The following TRMT11 variants were observed in gnomAD, a reference collection of about 807,000 sequenced individuals.
The protein encoded by TRMT11 is tRNA (guanine(10)-N(2))-methyltransferase TRMT11.
Under a neutral mutation model 62.8 loss-of-function variants are expected in TRMT11, and 53 were observed. That is an observed-to-expected ratio of 0.84 (90% confidence interval 0.68 to 1.06). The LOEUF (loss-of-function observed/expected upper bound fraction) is 1.06, where lower values mean the gene tolerates loss of function less well. TRMT11 is among the 50% of genes least tolerant of loss of function. The pLI is 0.00. For synonymous variants in TRMT11, 188 were observed against 190.3 expected, an observed-to-expected ratio of 0.99 and a Z score of 0.10; for missense variants, 556 against 553.4, an observed-to-expected ratio of 1.00 and a Z score of -0.05.
downstream of TRMT11, among the ~76,000 whole-genome samples, chr6:126,204,992 A>G (rs1778775790): frequency 6.6e-6 from 1 of 152,204 alleles, no homozygotes; most frequent in African/African-American, 2.4e-5. Flanking sequence ...CTTTAAAAAT[A>G]TTTAGAGGCA....
the TRMT11 span, among the ~76,000 whole-genome samples, chr6:126,271,948 C>T: frequency 6.6e-6 from 1 of 152,118 alleles, no homozygotes. Context: ...ATGTGATCTT[C>T]ATAGGAAAAG....
At chr6:126,245,404 G>A in the TRMT11 span, among the ~76,000 whole-genome samples, 7 of 152,300 alleles carry the variant, frequency 4.6e-5, no homozygotes, top group Non-Finnish European at 8.8e-5. Context: ...TAGAATCTAC[G>A]TCCAGTATCA....
chr6:126,019,293 A>G (rs1245555922), intron 11 of TRMT11, among the ~76,000 whole-genome samples: 1 of 152,240 alleles, frequency 6.6e-6, no homozygotes. Context: ...ATGAATTAAG[A>G]TCGAGTCAAA....
the TRMT11 span, among the ~76,000 whole-genome samples, chr6:126,224,829 G>A: frequency 6.6e-6 from 1 of 152,324 alleles, no homozygotes; most frequent in Non-Finnish European, 1.5e-5. Flanking sequence ...ATACTTGCAC[G>A]CACTGGAAAA....
chr6:126,024,709 A>C (rs919166944), intron 12 of TRMT11, among the ~76,000 whole-genome samples: 2 of 152,206 alleles, frequency 1.3e-5, no homozygotes, highest in African/African-American at 4.8e-5. Flanking sequence ...TACACTAACC[A>C]TCACCAGTGT....
chr6:126,256,371 C>T, the TRMT11 span, among the ~76,000 whole-genome samples: 5 of 152,156 alleles, frequency 3.3e-5, no homozygotes, highest in Admixed American at 6.5e-5. Context: ...CTTCAATGGT[C>T]ACATCTCTTC....
At position 126,106,397 on chromosome 6, in the gene TRMT11, G is replaced by A. The variant is rs186759940; in HGVS notation, c.*1438-6469G>A. 5.9e-3 allele frequency among the ~76,000 whole-genome samples: 904 copies of A among 152,092 alleles called. 4 individuals are homozygous for A. The highest frequency in any genetic ancestry group is 9.4e-3 in the Admixed American group (144 of 15,268). On this transcript the variant is annotated intron_variant and NMD_transcript_variant, in intron 17 of 22. Transcript: ENST00000648977. ...TGGCCTCAAGTGATCTGCCTGCCTC[G>A]GCCTCCCAAAGTGCTAGGATTACAG...
At chr6:126,239,885 T>A in the TRMT11 span, among the ~76,000 whole-genome samples, 1 of 152,222 alleles carries the variant, frequency 6.6e-6, no homozygotes, top group Admixed American at 6.5e-5. Context: ...AGTCCTATAT[T>A]TCTTGGAGGA....
chr6:125,997,048 T>A (rs1434491164), intron 3 of TRMT11, among the ~76,000 whole-genome samples: 4 of 152,222 alleles, frequency 2.6e-5, no homozygotes. Flanking sequence ...ACTGGAGTAC[T>A]AAGAACTTGT....
chr6:126,174,445 T>C (rs1398746895), upstream of TRMT11, among the ~76,000 whole-genome samples: 1 of 152,194 alleles, frequency 6.6e-6, no homozygotes, highest in Non-Finnish European at 1.5e-5. Flanking sequence ...TATGGAAATT[T>C]CCTTATGGCA....
the TRMT11 span, chr6:126,257,989 C>T: frequency 1.3e-6 from 2 of 1,548,570 alleles, no homozygotes; most frequent in Non-Finnish European, 1.8e-6. Context: ...GGGATGAAGG[C>T]CTCGGTGGGT....
intron 21 of TRMT11, among the ~76,000 whole-genome samples, chr6:126,171,641 G>T (rs906747280): frequency 6.6e-6 from 1 of 152,092 alleles, no homozygotes; most frequent in African/African-American, 2.4e-5. Flanking sequence ...AGAGTGGAGG[G>T]TGTGACAATA....
At chr6:126,114,098 A>T (rs943926336) in intron 18 of TRMT11, among the ~76,000 whole-genome samples, 10 of 152,142 alleles carry the variant, frequency 6.6e-5, no homozygotes, top group African/African-American at 2.2e-4. Flanking sequence ...AGTGCATTTC[A>T]TGTCATGATG....
intron 7 of TRMT11, 127 bp from the exon 8 acceptor site, chr6:126,008,265 G>A (rs912557943): frequency 3.7e-6 from 3 of 818,686 alleles, no homozygotes; most frequent in Non-Finnish European, 6.3e-6. Context: ...TACTAAATAT[G>A]TTACGACCAA....
the TRMT11 span, among the ~76,000 whole-genome samples, chr6:126,223,701 T>C: frequency 2.6e-5 from 4 of 152,204 alleles, no homozygotes; most frequent in African/African-American, 7.2e-5. Flanking sequence ...TTGAATGTTG[T>C]CCTCTCTAGC....
downstream of TRMT11, among the ~76,000 whole-genome samples, chr6:126,043,522 A>G: frequency 6.7e-6 from 1 of 149,928 alleles, no homozygotes; most frequent in South Asian, 2.1e-4. Flanking sequence ...ATACGTGTGC[A>G]TGTGTCTTTA....
chr6:126,047,896 T>C (rs557210704), intron 16 of TRMT11, among the ~76,000 whole-genome samples: 324 of 152,260 alleles, frequency 2.1e-3, no homozygotes, highest in Non-Finnish European at 3.2e-3. Flanking sequence ...CTTTTTGGAG[T>C]AGATCAAACA....
At chr6:126,089,525 T>C (rs1238417184) in intron 17 of TRMT11, among the ~76,000 whole-genome samples, 1 of 152,110 alleles carries the variant, frequency 6.6e-6, no homozygotes, top group Non-Finnish European at 1.5e-5. Flanking sequence ...TTACCCCGGG[T>C]CACATGGTTA....
the TRMT11 span, chr6:126,257,845 C>T: frequency 8.5e-5 from 93 of 1,090,682 alleles, no homozygotes; most frequent in African/African-American, 2.9e-4. Context: ...CCACAGGGTC[C>T]GCTGGTATTG....
Sources: gnomAD v4.1 joint callset for allele counts (sites outside exome capture counted in the v4.1 genomes callset) on GRCh38, gnomAD v4.1.1 for gene constraint, MANE v1.5 for transcripts, NCBI Gene and HGNC (gene_info 2026-07-23, HGNC 2026-07-21) for gene names.